Variants in LMBR1 observed in about 807,000 individuals in gnomAD.
The protein encoded by LMBR1 is limb development membrane protein 1, also known as limb region 1 protein homolog.
A neutral mutation model predicts 73.9 loss-of-function variants in LMBR1; 52 were observed. That is an observed-to-expected ratio of 0.70 (90% CI 0.56 to 0.89). The LOEUF is 0.89. LMBR1 is among the 40% of genes least tolerant of loss of function. The pLI is 0.00. For missense variants in LMBR1, 539 were observed against 579.8 expected, an observed-to-expected ratio of 0.93 and a Z score of 0.72; for synonymous variants, 215 against 209.4, an observed-to-expected ratio of 1.03 and a Z score of -0.23.
intron 1 of LMBR1, among the ~76,000 whole-genome samples, chr7:156,880,274 A>G (rs751578992): frequency 2.0e-4 from 31 of 152,138 alleles, no homozygotes; most frequent in Non-Finnish European, 4.4e-5. Context: ...GCATGTTCTC[A>G]CTCATAAGTG....
intron 1 of LMBR1, among the ~76,000 whole-genome samples, chr7:156,888,272 T>A (rs560877850): frequency 6.6e-6 from 1 of 151,798 alleles, no homozygotes; most frequent in East Asian, 1.9e-4. Flanking sequence ...TAGCTGGGCG[T>A]GGTGGCGGGT....
intron 1 of LMBR1, among the ~76,000 whole-genome samples, chr7:156,869,852 C>T (rs111909439): frequency 0.028 from 4,251 of 152,212 alleles, 204 homozygotes; most frequent in African/African-American, 0.097. Flanking sequence ...GATAGCTATA[C>T]TTACATTGGG....
At chr7:156,726,896 C>A (rs1299509974) in intron 12 of LMBR1, among the ~76,000 whole-genome samples, 1 of 152,116 alleles carries the variant, frequency 6.6e-6, no homozygotes, top group Non-Finnish European at 1.5e-5. Context: ...TATGAACAGG[C>A]CTTGCTAAAT....
intron 10 of LMBR1, among the ~76,000 whole-genome samples, chr7:156,732,241 G>A (rs989686305): frequency 3.3e-5 from 5 of 152,104 alleles, no homozygotes; most frequent in Non-Finnish European, 7.3e-5. Flanking sequence ...ACATCTGATC[G>A]TGGAAGAACA....
chr7:156,720,722 T>C (rs962645288), intron 15 of LMBR1, among the ~76,000 whole-genome samples: 9 of 151,558 alleles, frequency 5.9e-5, no homozygotes, highest in Non-Finnish European at 1.0e-4. Flanking sequence ...TTCTATAATA[T>C]ATCTGAATAT....
intron 14 of LMBR1, 39 bp from the exon 15 acceptor site, chr7:156,724,217 C>G (rs1228469123): frequency 6.8e-7 from 1 of 1,464,220 alleles, no homozygotes. Context: ...GGCAGTTAAA[C>G]AGCAGGATGA....
intron 1 of LMBR1, among the ~76,000 whole-genome samples, chr7:156,863,528 T>A (rs1454531116): frequency 6.6e-6 from 1 of 152,134 alleles, no homozygotes; most frequent in Non-Finnish European, 1.5e-5. Context: ...AAGTTGACAC[T>A]CTATATTCCA....
chr7:156,726,498 T>C (rs138696003), intron 12 of LMBR1, among the ~76,000 whole-genome samples: 71 of 152,140 alleles, frequency 4.7e-4, no homozygotes, highest in Admixed American at 4.1e-3. Context: ...TTTTTATAAT[T>C]AGATCTGAAA....
At chr7:156,698,719 A>G (rs1032670037) in intron 15 of LMBR1, among the ~76,000 whole-genome samples, 1 of 151,904 alleles carries the variant, frequency 6.6e-6, no homozygotes, top group African/African-American at 2.4e-5. Context: ...GCCCCATGAA[A>G]CCACTTTTTC....
intron 4 of LMBR1, among the ~76,000 whole-genome samples, chr7:156,805,215 C>CTTTTTTT (rs58044015): frequency 3.1e-4 from 38 of 122,738 alleles, no homozygotes; most frequent in South Asian, 1.6e-3. Flanking sequence ...ACATCATGCA[C>CTTTTTTT]TTTTTTTTTT....
At chr7:156,715,444 G>C (rs1223116715) in intron 15 of LMBR1, among the ~76,000 whole-genome samples, 1 of 152,130 alleles carries the variant, frequency 6.6e-6, no homozygotes, top group Non-Finnish European at 1.5e-5. Context: ...TCATGTTGTA[G>C]TATGTACCCA....
intron 1 of LMBR1, among the ~76,000 whole-genome samples, chr7:156,843,366 C>T (rs893663377): frequency 6.6e-6 from 1 of 152,170 alleles, no homozygotes; most frequent in African/African-American, 2.4e-5. Flanking sequence ...TAGGAGAAAA[C>T]TGAAACTAAG....
At chr7:156,701,955 A>C (rs1383600053) in intron 15 of LMBR1, among the ~76,000 whole-genome samples, 1 of 152,128 alleles carries the variant, frequency 6.6e-6, no homozygotes, top group East Asian at 1.9e-4. Context: ...AAAGGACATG[A>C]TCTTGTTCCT....
At position 156,680,131 on chromosome 7, in the gene LMBR1, AAAC is replaced by A. The variant is rs1804750712; in HGVS notation, c.*3944_*3946del. 6.6e-6 allele frequency: 1 copy of A among 150,462 alleles called. No homozygotes were observed. Among genetic ancestry groups the A allele is most frequent in the Non-Finnish European group, 1.5e-5 (1 of 67,890 alleles). 9.3% of individuals were successfully genotyped at this position (150,462 alleles called of 1,614,324 possible). A position where few individuals can be genotyped will look rare whatever the true frequency, so the allele number is the denominator to read the frequency against. On this transcript the variant is annotated 3_prime_UTR_variant, in exon 17 of 17. Coordinates refer to ENST00000353442, the MANE Select transcript of LMBR1 (RefSeq NM_022458.4). ...GTGTTTGCAGCAATAATTTTTACCT[AAAC>A]AATATTCAAAAACCAAAAAAAAAAA...
At chr7:156,768,177 G>A (rs1325910408) in intron 5 of LMBR1, among the ~76,000 whole-genome samples, 4 of 152,198 alleles carry the variant, frequency 2.6e-5, no homozygotes, top group African/African-American at 9.6e-5. Context: ...CTTGAGGTCA[G>A]GAGTTCAAGA....
intron 4 of LMBR1, among the ~76,000 whole-genome samples, chr7:156,810,324 A>G (rs573989239): frequency 2.8e-4 from 42 of 152,230 alleles, no homozygotes; most frequent in Admixed American, 2.2e-3. Flanking sequence ...GAATTCATCT[A>G]TTCTTGGGGG....
At chr7:156,686,006 C>T (rs1805931966) in intron 16 of LMBR1, among the ~76,000 whole-genome samples, 1 of 152,032 alleles carries the variant, frequency 6.6e-6, no homozygotes, top group African/African-American at 2.4e-5. Context: ...CAATCCAACA[C>T]AAAAAATGGT....
intron 3 of LMBR1, among the ~76,000 whole-genome samples, chr7:156,832,819 A>C (rs1233145278): frequency 6.6e-6 from 1 of 152,254 alleles, no homozygotes; most frequent in Non-Finnish European, 1.5e-5. Context: ...AATAATCTTC[A>C]AAATTATCAA....
At chr7:156,677,367 C>T (rs1258245523), downstream of LMBR1, among the ~76,000 whole-genome samples, 1 of 152,156 alleles carries the variant, frequency 6.6e-6, no homozygotes, top group African/African-American at 2.4e-5. Context: ...GTGTCCAACC[C>T]ATGTCAGCCA....
Sources: gnomAD v4.1 joint callset for allele counts (sites outside exome capture counted in the v4.1 genomes callset) on GRCh38, gnomAD v4.1.1 for gene constraint, MANE v1.5 for transcripts, NCBI Gene and HGNC (gene_info 2026-07-23, HGNC 2026-07-21) for gene names.